ERG: variants seen among roughly 807,000 people sequenced by gnomAD.
ERG encodes the protein transcriptional regulator ERG.
Under a neutral mutation model 55.3 loss-of-function variants are expected in ERG, and 9 were observed. The ratio of observed to expected loss-of-function variants is 0.16; its 90% CI spans 0.10 to 0.28. The LOEUF is 0.28. Ranked by LOEUF, ERG falls within the 10% of genes least tolerant of loss-of-function variation. The pLI, the probability that ERG is intolerant of heterozygous loss-of-function variation, is 1.00. For synonymous variants in ERG, 223 were observed against 237.3 expected, an observed-to-expected ratio of 0.94 and a Z score of 0.55; for missense variants, 434 against 631.6, an observed-to-expected ratio of 0.69 and a Z score of 3.35.
At chr21:38,387,723 T>C (rs774235962) in intron 9 of ERG, among the ~76,000 whole-genome samples, 25 of 152,206 alleles carry the variant, frequency 1.6e-4, no homozygotes, top group Non-Finnish European at 2.4e-4. Flanking sequence ...TATTGAACCA[T>C]GAAGAAGCTT....
chr21:38,459,015 A>G (rs1002801397), intron 1 of ERG, among the ~76,000 whole-genome samples: 1 of 151,826 alleles, frequency 6.6e-6, no homozygotes, highest in Non-Finnish European at 1.5e-5. Flanking sequence ...TATTCCTCCT[A>G]TTTGGTTGAC....
intron 3 of ERG, among the ~76,000 whole-genome samples, chr21:38,407,930 A>G (rs1373191054): frequency 6.7e-6 from 1 of 149,154 alleles, no homozygotes; most frequent in Non-Finnish European, 1.5e-5. Context: ...TATACTACCT[A>G]TATATAGTAT....
At chr21:38,384,141 C>T (rs1438147487) in intron 9 of ERG, among the ~76,000 whole-genome samples, 2 of 152,212 alleles carry the variant, frequency 1.3e-5, no homozygotes, top group East Asian at 3.9e-4. Flanking sequence ...GAGCCGCCGC[C>T]TCGCCCACCC....
intron 1 of ERG, among the ~76,000 whole-genome samples, chr21:38,445,989 C>G (rs2058888153): frequency 1.3e-5 from 2 of 151,642 alleles, no homozygotes; most frequent in South Asian, 4.2e-4. Flanking sequence ...AGACAGGGTA[C>G]AGAGCGGTCA....
At chr21:38,643,397 G>A (rs754187348) in intron 1 of ERG, among the ~76,000 whole-genome samples, 9 of 152,126 alleles carry the variant, frequency 5.9e-5, no homozygotes, top group Non-Finnish European at 1.2e-4. Flanking sequence ...CATGACACTC[G>A]CTCATAGGAC....
chr21:38,644,024 T>G (rs1717574531), intron 1 of ERG, among the ~76,000 whole-genome samples: 2 of 152,170 alleles, frequency 1.3e-5, no homozygotes, highest in Non-Finnish European at 1.5e-5. Flanking sequence ...TCTCACCCTC[T>G]CAACAAACTT....
intron 2 of ERG, among the ~76,000 whole-genome samples, chr21:38,555,760 T>C (rs2059854809): frequency 6.6e-6 from 1 of 152,212 alleles, no homozygotes; most frequent in South Asian, 2.1e-4. Flanking sequence ...ATGTGACCTA[T>C]CAAGGTCTTG....
intron 1 of ERG, among the ~76,000 whole-genome samples, chr21:38,464,297 C>G (rs2059069362): frequency 6.6e-6 from 1 of 152,152 alleles, no homozygotes; most frequent in Admixed American, 6.5e-5. Context: ...TTTCTTACTT[C>G]CAAAGCCCAG....
the ERG span, among the ~76,000 whole-genome samples, chr21:38,370,769 T>C: frequency 6.6e-6 from 1 of 152,086 alleles, no homozygotes; most frequent in Non-Finnish European, 1.5e-5. Flanking sequence ...CCTATTCCAT[T>C]GTTGTGTCTC....
intron 1 of ERG, among the ~76,000 whole-genome samples, chr21:38,457,251 A>G (rs1260511130): frequency 6.6e-6 from 1 of 152,156 alleles, no homozygotes; most frequent in African/African-American, 2.4e-5. Flanking sequence ...CCTGGCTAAC[A>G]TGGTGAAACC....
rs141072569 is a variant in ERG, at chr21:38,619,875, T to C, written c.-149-34930A>G. Among the ~76,000 whole-genome samples, 359 of 152,322 alleles carry C rather than the reference T, an allele frequency of 2.4e-3. 1 individual carries two copies. The highest frequency in any genetic ancestry group is 8.1e-3 in the African/African-American group (337 of 41,572). ...ATAAACAAAAGAGGAAGAAAACATGTAGGTTATGGTCTAATTGCCTGAATC... is the reference window on the plus strand; with the variant it reads ...ATAAACAAAAGAGGAAGAAAACATGCAGGTTATGGTCTAATTGCCTGAATC... On this transcript the variant is annotated intron_variant, in intron 1 of 10. Coordinates refer to the ERG transcript ENST00000398910.
At chr21:38,508,146 T>TGA (rs890060972) in intron 2 of ERG, among the ~76,000 whole-genome samples, 5 of 148,302 alleles carry the variant, frequency 3.4e-5, no homozygotes, top group Non-Finnish European at 6.0e-5. Flanking sequence ...TATGAACAGA[T>TGA]GAGAGAGAGA....
intron 1 of ERG, among the ~76,000 whole-genome samples, chr21:38,475,714 G>A (rs1393453595): frequency 6.6e-6 from 1 of 152,054 alleles, no homozygotes; most frequent in Admixed American, 6.5e-5. Flanking sequence ...TCCCTCCTAA[G>A]GCTCCTGACT....
intron 1 of ERG, among the ~76,000 whole-genome samples, chr21:38,622,378 GCACACAC>G (rs1016888990): frequency 5.3e-5 from 8 of 151,182 alleles, no homozygotes; most frequent in African/African-American, 1.7e-4. Context: ...CACACTCACA[GCACACAC>G]CACACACCAC....
chr21:38,458,415 C>T (rs2059009808), intron 1 of ERG, among the ~76,000 whole-genome samples: 1 of 134,370 alleles, frequency 7.4e-6, no homozygotes, highest in East Asian at 2.4e-4. Context: ...CAGAGTGAGA[C>T]TCTGGCTCAA....
chr21:38,454,652 A>T (rs570172276), intron 1 of ERG, among the ~76,000 whole-genome samples: 1 of 152,282 alleles, frequency 6.6e-6, no homozygotes, highest in African/African-American at 2.4e-5. Context: ...ATTGTATTTA[A>T]ATTATCATAT....
Position 38,380,989 on chromosome 21 carries a change from A to G in ERG, c.*2414T>C. 9.4e-7 allele frequency: 1 copy of G among 1,064,526 alleles called. No individual in the cohort carries two copies. The highest frequency in any genetic ancestry group is 1.1e-6 in the Non-Finnish European group (1 of 878,824). The allele number at this position is 1,064,526 out of a possible 1,614,324, so 65.9% of individuals were successfully genotyped here. ...TGGGTCAGCCTAACTGCCAGCTTTCATGATTGTATTTATTTATTTTCCCTA... is the reference window on the plus strand; with the variant it reads ...TGGGTCAGCCTAACTGCCAGCTTTCGTGATTGTATTTATTTATTTTCCCTA... On this transcript the variant is annotated 3_prime_UTR_variant, in exon 10 of 10. Coordinates refer to ENST00000288319, the MANE Select transcript of ERG (RefSeq NM_182918.4).
At chr21:38,489,838 C>T (rs1234668048) in intron 1 of ERG, among the ~76,000 whole-genome samples, 1 of 152,212 alleles carries the variant, frequency 6.6e-6, no homozygotes, top group East Asian at 1.9e-4. Context: ...TGAATAAAAA[C>T]AGGTCCAGGA....
At chr21:38,501,288 C>T (rs1448213427), upstream of ERG, among the ~76,000 whole-genome samples, 1 of 151,566 alleles carries the variant, frequency 6.6e-6, no homozygotes, top group African/African-American at 2.4e-5. Flanking sequence ...AGGATGGTCT[C>T]GATCTCCTGA....
Sources: allele counts gnomAD v4.1 joint callset (sites outside exome capture counted in the v4.1 genomes callset), GRCh38; gene constraint gnomAD v4.1.1; transcripts MANE v1.5; gene names NCBI Gene and HGNC (gene_info 2026-07-23, HGNC 2026-07-21).